The following YEATS2 variants were observed in gnomAD, a reference collection of about 807,000 sequenced individuals.
The protein encoded by YEATS2 is YEATS domain containing 2.
Under a neutral mutation model 163.2 loss-of-function variants are expected in YEATS2, and 77 were observed. The ratio of observed to expected loss-of-function variants is 0.47; its 90% confidence interval spans 0.39 to 0.57. The LOEUF (loss-of-function observed/expected upper bound fraction) is 0.57, where lower values mean the gene tolerates loss of function less well. Ranked by LOEUF, YEATS2 falls within the 20% of genes least tolerant of loss-of-function variation. The pLI is 0.00. For missense variants in YEATS2, 1,549 were observed against 1,729.8 expected, an observed-to-expected ratio of 0.90 and a Z score of 1.85; for synonymous variants, 631 against 645.1, an observed-to-expected ratio of 0.98 and a Z score of 0.33.
At chr3:183,718,799 A>T (rs4912468) in intron 4 of YEATS2, among the ~76,000 whole-genome samples, 2 of 152,126 alleles carry the variant, frequency 1.3e-5, no homozygotes, top group African/African-American at 2.4e-5. Flanking sequence ...AGTTCAGGCG[A>T]TTCTCCTGCC....
chr3:183,785,381 C>G (rs999851720), intron 19 of YEATS2, among the ~76,000 whole-genome samples: 31 of 150,206 alleles, frequency 2.1e-4, no homozygotes, highest in African/African-American at 7.4e-4. Flanking sequence ...CCTAGCTACT[C>G]GGGAGGCTGA....
At position 183,812,561 on chromosome 3, in the gene YEATS2, C is replaced by T. The variant is rs1285092675; in HGVS notation, c.*1978C>T. ...TCTCCACGTGTGTTAATGTTTCAAACGTGTATCATAATGTGTATAATTGTG... is the reference window on the plus strand; with the variant it reads ...TCTCCACGTGTGTTAATGTTTCAAATGTGTATCATAATGTGTATAATTGTG... On this transcript the variant is annotated 3_prime_UTR_variant, in exon 31 of 31. Transcript: ENST00000305135. 1.3e-5 allele frequency: 2 copies of T among 152,526 alleles called. No individual in the cohort carries two copies. The highest frequency in any genetic ancestry group is 6.5e-5 in the Admixed American group (1 of 15,270). 9.4% of individuals were successfully genotyped at this position (152,526 alleles called of 1,614,324 possible).
At chr3:183,767,424 A>G (rs1577146770) in intron 15 of YEATS2, among the ~76,000 whole-genome samples, 1 of 150,860 alleles carries the variant, frequency 6.6e-6, no homozygotes, top group East Asian at 2.0e-4. Context: ...ACTGTCGCCC[A>G]GGCTGGAGAG....
intron 17 of YEATS2, among the ~76,000 whole-genome samples, chr3:183,774,426 C>G (rs367964028): frequency 6.6e-6 from 1 of 152,142 alleles, no homozygotes; most frequent in Non-Finnish European, 1.5e-5. Context: ...AACCACCCCC[C>G]GCCTCCTGTC....
intron 19 of YEATS2, among the ~76,000 whole-genome samples, chr3:183,777,914 C>G: frequency 6.6e-6 from 1 of 151,940 alleles, no homozygotes; most frequent in Admixed American, 6.6e-5. Context: ...ACCAGCCTGG[C>G]CAACATGGCC....
In YEATS2 at chr3:183,772,775, ACACC is replaced by A. The variant is rs1190069566; in HGVS notation, c.2206+216_2206+219del. Reference sequence around the variant, plus strand: ...TTTAAATTTACACACACACACACACACACCCACATACACACACACACACGAACAA... The same window carrying A: ...TTTAAATTTACACACACACACACACACACATACACACACACACACGAACAA... On this transcript the variant is annotated intron_variant, in intron 16 of 30. Transcript: ENST00000305135. Among the ~76,000 whole-genome samples, 457 of 151,286 alleles carry A rather than the reference ACACC, an allele frequency of 3.0e-3. 3 individuals carry two copies. The highest frequency in any genetic ancestry group is 0.014 in the Middle Eastern group (4 of 294).
At position 183,744,824 on chromosome 3, in the gene YEATS2, C is replaced by T. The variant is rs190842407; in HGVS notation, c.925-2848C>T. Reference sequence around the variant, plus strand: ...TTTCTTCATAATCTCTTTTACATTCCGTCCTCCGCCCTTCCCACTATTCTT... The same window carrying T: ...TTTCTTCATAATCTCTTTTACATTCTGTCCTCCGCCCTTCCCACTATTCTT... On this transcript the variant is annotated intron_variant, in intron 8 of 30. Coordinates refer to ENST00000305135, the MANE Select transcript of YEATS2 (RefSeq NM_018023.5). Among the ~76,000 whole-genome samples the T allele has an allele frequency of 3.9e-3, 599 of 152,044 alleles. 4 individuals are homozygous for T. Among genetic ancestry groups the T allele is most frequent in the African/African-American group, 0.013 (555 of 41,490 alleles).
chr3:183,800,071 A>T (rs1725525873), intron 23 of YEATS2, among the ~76,000 whole-genome samples: 1 of 152,030 alleles, frequency 6.6e-6, no homozygotes. Context: ...TGACCTCGTG[A>T]TCCGCCCACC....
chr3:183,731,703 C>T (rs1717799293), intron 7 of YEATS2, among the ~76,000 whole-genome samples: 1 of 152,150 alleles, frequency 6.6e-6, no homozygotes, highest in East Asian at 1.9e-4. Context: ...CTCTTTCATC[C>T]TGGACATCTG....
At chr3:183,794,324 C>T in intron 21 of YEATS2, among the ~76,000 whole-genome samples, 1 of 152,150 alleles carries the variant, frequency 6.6e-6, no homozygotes, top group Admixed American at 6.5e-5. Context: ...TGAACTGCTA[C>T]TTTCAAAAGG....
chr3:183,731,604 G>A (rs1042268756), intron 7 of YEATS2, among the ~76,000 whole-genome samples: 6 of 152,158 alleles, frequency 3.9e-5, no homozygotes, highest in Admixed American at 2.6e-4. Flanking sequence ...TAATCTGTGG[G>A]CAGAGGTGTG....
At chr3:183,768,566 C>T (rs1278858885) in intron 15 of YEATS2, among the ~76,000 whole-genome samples, 1 of 151,804 alleles carries the variant, frequency 6.6e-6, no homozygotes, top group Non-Finnish European at 1.5e-5. Flanking sequence ...CATAAATATA[C>T]AGAAAAGTTC....
intron 20 of YEATS2, among the ~76,000 whole-genome samples, chr3:183,789,525 A>AATTTTTT (rs1724386406): frequency 1.4e-4 from 9 of 66,316 alleles, no homozygotes; most frequent in Admixed American, 5.0e-4. Flanking sequence ...ATTCGAGTTA[A>AATTTTTT]TTTTTTTTTT....
chr3:183,703,898 C>A (rs1490025584), intron 1 of YEATS2, among the ~76,000 whole-genome samples: 1 of 151,874 alleles, frequency 6.6e-6, no homozygotes, highest in African/African-American at 2.4e-5. Context: ...TAGTGGCTCA[C>A]GCTTGTAATC....
At chr3:183,767,591 C>G (rs575447674) in intron 15 of YEATS2, among the ~76,000 whole-genome samples, 13 of 152,216 alleles carry the variant, frequency 8.5e-5, no homozygotes, top group Non-Finnish European at 1.6e-4. Context: ...CTATGTTGGC[C>G]ACACTGGTCT....
At position 183,812,366 on chromosome 3, in the gene YEATS2, A is replaced by G. The variant is rs570677608; in HGVS notation, c.*1783A>G. The G allele has an allele frequency of 1.3e-5, 2 of 152,388 alleles. No homozygotes were observed. The highest frequency in any genetic ancestry group is 6.5e-5 in the Admixed American group (1 of 15,288). 9.4% of individuals were successfully genotyped at this position (152,388 alleles called of 1,614,324 possible). The stretch of plus-strand genomic sequence containing the variant: ...TCAAATAGTCTATACCTGAACTGCT[A>G]TAAGCAAGGTCGATAGGGAAGTGGA... On this transcript the variant is annotated 3_prime_UTR_variant, in exon 31 of 31. Coordinates refer to ENST00000305135, the MANE Select transcript of YEATS2 (RefSeq NM_018023.5).
At chr3:183,761,716 C>A in intron 14 of YEATS2, 102 bp downstream of exon 14, 1 of 1,050,682 alleles carries the variant, frequency 9.5e-7, no homozygotes. Flanking sequence ...TTTAGTGGGT[C>A]TCAACTCCTC....
At position 183,754,256 on chromosome 3, in the gene YEATS2, C is replaced by G. The variant is rs950580562; in HGVS notation, c.1281C>G (p.Phe427Leu). ...TTTGTTCCCATGGCAATTCAGCTTT[C>G]CAGCCAATAGCATCAAGCTGCAAAA... ...VTFCSHGNSA[F>L]QPIASSCKIV... Residue 427 changes from phenylalanine to leucine, a missense_variant, in exon 11 of 31, where the codon TTC (phenylalanine) becomes TTG (leucine). By Grantham distance (22) the Phe-to-Leu change is conservative (BLOSUM62 0). Transcript: ENST00000305135. 2 of 1,614,182 alleles carry G rather than the reference C, an allele frequency of 1.2e-6. No individual in the cohort carries two copies. The highest frequency in any genetic ancestry group is 1.7e-6 in the Non-Finnish European group (2 of 1,180,020).
At chr3:183,776,653 A>G (rs77496533) in intron 18 of YEATS2, among the ~76,000 whole-genome samples, 2 of 152,132 alleles carry the variant, frequency 1.3e-5, no homozygotes, top group African/African-American at 2.4e-5. Context: ...TGCCAAGCCA[A>G]TGGTAGAATT....
Sources: allele counts gnomAD v4.1 joint callset (sites outside exome capture counted in the v4.1 genomes callset), GRCh38; gene constraint gnomAD v4.1.1; transcripts MANE v1.5; gene names NCBI Gene and HGNC (gene_info 2026-07-23, HGNC 2026-07-21).